The following ANPEP variants were observed in gnomAD, a reference collection of about 807,000 sequenced individuals.
ANPEP encodes the protein alanyl aminopeptidase, membrane, also known as aminopeptidase N.
ANPEP carries 70 observed loss-of-function variants against 114.6 expected under a neutral mutation model. The observed-to-expected ratio is 0.61, with a 90% CI of 0.50 to 0.75. ANPEP has a LOEUF of 0.75. Ranked by LOEUF, ANPEP falls within the 30% of genes least tolerant of loss-of-function variation. The pLI, the probability that ANPEP is intolerant of heterozygous loss-of-function variation, is 0.00. For synonymous variants in ANPEP, 548 were observed against 522.3 expected, an observed-to-expected ratio of 1.05 and a Z score of -0.67; for missense variants, 1,184 against 1,259.5, an observed-to-expected ratio of 0.94 and a Z score of 0.91.
In ANPEP at chr15:89,799,260, C is replaced by T. The variant is rs1287364798; in HGVS notation, c.2009G>A (p.Ser670Asn). The change falls in exon 14 of 21, where the codon AGT becomes AAT. Residue 670 changes from serine to asparagine, a missense_variant and splice_region_variant. Coordinates refer to ENST00000300060, the MANE Select transcript of ANPEP (RefSeq NM_001150.3). The surrounding 1 kb of genome is among the most constrained non-coding windows in gnomAD (Gnocchi z 4.2). ...CTGAGCCAGGCAGCGGAGCACTCAC[C>T]TGGCCAGGTTGAAGGCGTCATTAAT... is the stretch of plus-strand genomic sequence containing the variant. ...QIINDAFNLA[S>N]AHKVPVTLAL... The T allele has an allele frequency of 1.2e-6, 2 of 1,614,060 alleles. No individual in the cohort carries two copies. Among genetic ancestry groups the T allele is most frequent in the African/African-American group, 2.7e-5 (2 of 74,918 alleles).
chr15:89,805,251 C>A (rs749845036), intron 3 of ANPEP, 34 bp from the exon 4 acceptor site: 3 of 1,613,496 alleles, frequency 1.9e-6, no homozygotes, highest in East Asian at 2.2e-5. Flanking sequence ...GAGGACGTAC[C>A]CTCCTGCCCC....
chr15:89,805,324 T>C lies in ANPEP; in HGVS notation c.754A>G (p.Lys252Glu). ...DLTALSNMLP[K>E]GPSTPLPEDP... is the part of the protein sequence containing the mutation. ...GCCGCAGGCAGGGCCCACTCACCTT[T>C]GGGAAGCATGTTGGACAGGGCTGTC... The change falls in exon 3 of 21, where the codon AAA becomes GAA. Residue 252 changes from lysine (K) to glutamate (E), a missense_variant. Transcript: ENST00000300060. 6.2e-7 allele frequency: 1 copy of C among 1,613,880 alleles called. No homozygotes were observed. The highest frequency in any genetic ancestry group is 8.5e-7 in the Non-Finnish European group (1 of 1,179,886).
intron 20 of ANPEP, among the ~76,000 whole-genome samples, chr15:89,789,474 T>C (rs900325024): frequency 1.3e-5 from 2 of 152,018 alleles, no homozygotes; most frequent in Non-Finnish European, 2.9e-5. Flanking sequence ...GTGATTATGT[T>C]TTAAGAATCC....
At chr15:89,810,515 G>C (rs553807173) in intron 1 of ANPEP, among the ~76,000 whole-genome samples, 1 of 152,250 alleles carries the variant, frequency 6.6e-6, no homozygotes, top group South Asian at 2.1e-4. Flanking sequence ...AGGTTGCAGT[G>C]GGCGGAGATC....
rs747330118 is a variant in ANPEP, at chr15:89,806,160, C to T, written c.424G>A (p.Val142Met). The T allele has an allele frequency of 8.7e-6, 14 of 1,613,992 alleles. No homozygotes were observed. The highest frequency in any genetic ancestry group is 5.3e-5 in the African/African-American group (4 of 74,926). The change falls in exon 2 of 21, where the codon GTG becomes ATG. Residue 142 changes from valine to methionine, a missense_variant. Coordinates refer to ENST00000300060, the MANE Select transcript of ANPEP (RefSeq NM_001150.3). The surrounding 1 kb of genome is among the most constrained non-coding windows in gnomAD (Gnocchi z 5.7). ...SQGHRVVLRGVGGSQPPDIDK... is the reference protein window; with the variant it reads ...SQGHRVVLRGMGGSQPPDIDK... Reference sequence around the variant, plus strand: ...ATGTCGGGGGGCTGGGAGCCTCCCACACCACGCAGGACCACCCTGTGCCCC... The same window carrying T: ...ATGTCGGGGGGCTGGGAGCCTCCCATACCACGCAGGACCACCCTGTGCCCC...
chr15:89,808,706 C>T (rs1456869605), intron 1 of ANPEP, among the ~76,000 whole-genome samples: 1 of 152,194 alleles, frequency 6.6e-6, no homozygotes, highest in African/African-American at 2.4e-5. Context: ...TGTCAGGGCC[C>T]CACATGCCTT....
rs1190633505 is a variant in ANPEP, at chr15:89,803,205, C to T, written c.1569+34G>A. On this transcript the variant is annotated intron_variant, in intron 10 of 20. Transcript: ENST00000300060. This position sits in a 1 kb window ranked among gnomAD's most constrained non-coding sequence, Gnocchi z 4.2. ...TACCTTCAGCATCTCAAGACCCCAA[C>T]AGGATGGCTGTGGAGGGGCTGGCTG... 8 of 1,605,322 alleles carry T rather than the reference C, an allele frequency of 5.0e-6. No individual in the cohort carries two copies. Among genetic ancestry groups the T allele is most frequent in the Non-Finnish European group, 6.0e-6 (7 of 1,171,974 alleles).
In ANPEP at chr15:89,803,607, C is replaced by T. The variant is rs1191210833; in HGVS notation, c.1437+40G>A. The T allele has an allele frequency of 1.9e-6, 3 of 1,603,258 alleles. No individual in the cohort carries two copies. Among genetic ancestry groups the T allele is most frequent in the Admixed American group, 1.7e-5 (1 of 59,804 alleles). ...CAGTGAGGCCCCTCCAGGCCAAGTC[C>T]CCACCTCCTTCCCCGTGCCCCACGA... On this transcript the variant is annotated intron_variant, in intron 8 of 20. Coordinates refer to ENST00000300060, the MANE Select transcript of ANPEP (RefSeq NM_001150.3). The surrounding 1 kb of genome is among the most constrained non-coding windows in gnomAD (Gnocchi z 4.2).
Position 89,803,375 on chromosome 15 carries a change from G to A in ANPEP, c.1503+67C>T, listed in dbSNP as rs769239907. The A allele has an allele frequency of 2.5e-6, 4 of 1,613,438 alleles. No individual in the cohort carries two copies. Among genetic ancestry groups the A allele is most frequent in the Non-Finnish European group, 3.4e-6 (4 of 1,179,452 alleles). ...GGCTCCCCCTCTGTGGTGGGCAGAG[G>A]CCCGGGTCAAGGGCGAGGGGCAGAA... On this transcript the variant is annotated intron_variant, in intron 9 of 20. Transcript: ENST00000300060. The surrounding 1 kb of genome is among the most constrained non-coding windows in gnomAD (Gnocchi z 4.2).
At chr15:89,813,991 T>TGGCGGGG in intron 1 of ANPEP, among the ~76,000 whole-genome samples, 1 of 111,758 alleles carries the variant, frequency 8.9e-6, no homozygotes, top group Admixed American at 8.2e-5. Context: ...ACCGCACTGC[T>TGGCGGGG]GGGGGGGGGG....
Position 89,801,621 on chromosome 15 carries a change from G to A in ANPEP, c.1570-14C>T, listed in dbSNP as rs748495843. 48 of 1,611,242 alleles carry A rather than the reference G, an allele frequency of 3.0e-5. 1 individual carries two copies. The highest frequency in any genetic ancestry group is 2.9e-4 in the South Asian group (26 of 90,982). On this transcript the variant is annotated splice_polypyrimidine_tract_variant and intron_variant, in intron 10 of 20. Transcript: ENST00000300060. The stretch of plus-strand genomic sequence containing the variant: ...GTTGTTCACAGCCTGTGGGTGGAGC[G>A]AGAGGGCGTGGCCATCAGTGGGACC...
Position 89,806,065 on chromosome 15 carries a change from G to A in ANPEP, c.519C>T (p.Asp173=), listed in dbSNP as rs760896768. 20 of 1,613,850 alleles carry A rather than the reference G, an allele frequency of 1.2e-5. No individual in the cohort carries two copies. The South Asian group carries it at 2.1e-4, about 17-fold the overall frequency. ...VVHLKGSLVK[D]SQYEMDSEFE... Reference sequence around the variant, plus strand: ...ACTCGCTGTCCATCTCATACTGGCTGTCCTTCACCAGGGAGCCCTTGAGGT... The same window carrying A: ...ACTCGCTGTCCATCTCATACTGGCTATCCTTCACCAGGGAGCCCTTGAGGT... Residue 173 remains aspartate (D), a synonymous_variant, in exon 2 of 21, where the codon GAC becomes GAT. Coordinates refer to ENST00000300060, the MANE Select transcript of ANPEP (RefSeq NM_001150.3). This position sits in a 1 kb window ranked among gnomAD's most constrained non-coding sequence, Gnocchi z 5.7.
chr15:89,790,948 C>A lies in ANPEP; in HGVS notation c.2669+5G>T. Reference sequence around the variant, plus strand: ...CTGTCCCTGACACCCATTCCACAGACTCACTCGTTAAAAAGCTTCTTCCAG... The same window carrying A: ...CTGTCCCTGACACCCATTCCACAGAATCACTCGTTAAAAAGCTTCTTCCAG... On this transcript the variant is annotated splice_donor_5th_base_variant and intron_variant, in intron 19 of 20. Transcript: ENST00000300060. The A allele has an allele frequency of 6.2e-7, 1 of 1,613,740 alleles. No individual in the cohort carries two copies. The highest frequency in any genetic ancestry group is 8.5e-7 in the Non-Finnish European group (1 of 1,179,772).
At chr15:89,794,776 A>G (rs544128785) in intron 15 of ANPEP, among the ~76,000 whole-genome samples, 9 of 152,162 alleles carry the variant, frequency 5.9e-5, no homozygotes, top group Non-Finnish European at 1.2e-4. Flanking sequence ...GTGGCACCCC[A>G]GTTCCCTTCC....
chr15:89,791,069 C>T lies in ANPEP; in HGVS notation c.2553G>A (p.Pro851=), dbSNP rs759722593. ...LNRYLSYTLN[P]DLIRKQDATS... ...TGGCGTCCTGCTTCCGGATTAAGTC[C>T]GGGTTCAGGGTGTAGCTCAGGTACC... Residue 851 remains proline (P), a synonymous_variant, in exon 19 of 21, where the codon CCG becomes CCA. Coordinates refer to ENST00000300060, the MANE Select transcript of ANPEP (RefSeq NM_001150.3). 45 of 1,614,040 alleles carry T rather than the reference C, an allele frequency of 2.8e-5. No individual in the cohort carries two copies. Among genetic ancestry groups the T allele is most frequent in the East Asian group, 2.7e-4 (12 of 44,900 alleles).
chr15:89,805,594 A>G (rs1381438447), intron 2 of ANPEP, 131 bp from the exon 3 acceptor site: 1 of 1,306,224 alleles, frequency 7.7e-7, no homozygotes, highest in East Asian at 2.5e-5. Context: ...TCCTGCTCCC[A>G]CCCCCGCCTC....
chr15:89,801,031 C>T lies in ANPEP; in HGVS notation c.1819+80G>A, dbSNP rs867157264. On this transcript the variant is annotated intron_variant, in intron 12 of 20. Coordinates refer to ENST00000300060, the MANE Select transcript of ANPEP (RefSeq NM_001150.3). ...AAGTCCATTTGTTGAATGGAATGGC[C>T]CATCACAGCCCTCAGAACATGGGCC... 37 of 1,243,438 alleles carry T rather than the reference C, an allele frequency of 3.0e-5. 1 individual carries two copies. The Middle Eastern group carries it at 1.9e-3, about 63-fold the overall frequency. 77.0% of individuals were successfully genotyped at this position (1,243,438 alleles called of 1,614,324 possible).
At chr15:89,801,062 CT>C in intron 12 of ANPEP, 48 bp downstream of exon 12, 1 of 1,544,326 alleles carries the variant, frequency 6.5e-7, no homozygotes, top group Non-Finnish European at 8.9e-7. Flanking sequence ...GGGCCAGGAG[CT>C]AGGAGTATGG....
At position 89,803,491 on chromosome 15, in the gene ANPEP, C is replaced by T; in HGVS notation, c.1454G>A (p.Arg485Lys). ...ISYSKGASVL[R>K]MLSSFLSEDV... is the part of the protein sequence containing the mutation. ...CTCGGACAGGAAGCTGGAGAGCATC[C>T]TGAGGACTGAGGCGCCCTGGGGTGG... The change falls in exon 9 of 21, where the codon AGG becomes AAG. Residue 485 changes from arginine (R) to lysine (K), a missense_variant. Transcript: ENST00000300060. The surrounding 1 kb of genome is among the most constrained non-coding windows in gnomAD (Gnocchi z 4.2). The T allele has an allele frequency of 6.2e-7, 1 of 1,607,224 alleles. No individual in the cohort carries two copies. The highest frequency in any genetic ancestry group is 8.5e-7 in the Non-Finnish European group (1 of 1,177,956).
Sources: gnomAD v4.1 joint callset for allele counts (sites outside exome capture counted in the v4.1 genomes callset) on GRCh38, gnomAD v4.1.1 for gene constraint, Gnocchi (gnomAD v3.1) non-coding constraint, MANE v1.5 for transcripts, NCBI Gene and HGNC (gene_info 2026-07-23, HGNC 2026-07-21) for gene names.